Variants in OR51B5 observed in about 807,000 individuals in gnomAD.
OR51B5 encodes olfactory receptor family 51 subfamily B member 5.
For synonymous variants in OR51B5, 186 were observed against 144.8 expected (o/e 1.28, Z -2.04); for missense variants, 456 against 374.6 (o/e 1.22, Z -1.79).
intron 1 of OR51B5, among the ~76,000 whole-genome samples, chr11:5,411,573 G>A (rs764559994): frequency 6.6e-6 from 1 of 152,150 alleles, no homozygotes; most frequent in Non-Finnish European, 1.5e-5. Flanking sequence ...AATTGTGGTA[G>A]ACCAAATAAT....
chr11:5,427,411 TAGA>T (rs1457095549), intron 1 of OR51B5, among the ~76,000 whole-genome samples: 2 of 152,162 alleles, frequency 1.3e-5, no homozygotes, highest in Non-Finnish European at 2.9e-5. Context: ...AGAGTTAGAG[TAGA>T]AGGTTACAGA....
chr11:5,503,036 G>A (rs1279120760), intron 1 of OR51B5, among the ~76,000 whole-genome samples: 1 of 152,076 alleles, frequency 6.6e-6, no homozygotes, highest in Non-Finnish European at 1.5e-5. Flanking sequence ...AAAAAGGTAG[G>A]TTATGAAACT....
chr11:5,403,435 A>G (rs529317796), intron 1 of OR51B5: 9 of 471,570 alleles, frequency 1.9e-5, no homozygotes, highest in African/African-American at 1.8e-4. Context: ...ATGATGGCCA[A>G]TGCCTACCTC....
At chr11:5,475,902 T>G (rs1372370277) in intron 1 of OR51B5, among the ~76,000 whole-genome samples, 1 of 151,932 alleles carries the variant, frequency 6.6e-6, no homozygotes, top group Non-Finnish European at 1.5e-5. Context: ...CAACCTATGT[T>G]TCTTTGCCAT....
At chr11:5,353,513 A>G (rs4369438) in intron 1 of OR51B5, among the ~76,000 whole-genome samples, 40,180 of 152,036 alleles carry the variant, frequency 0.26, 5,549 homozygotes, top group African/African-American at 0.31. Flanking sequence ...GGCAATGCTC[A>G]TAACTAGAAG....
At chr11:5,341,880 A>G (rs1848900638), downstream of OR51B5, among the ~76,000 whole-genome samples, 1 of 152,168 alleles carries the variant, frequency 6.6e-6, no homozygotes, top group Non-Finnish European at 1.5e-5. Context: ...GGAGGTACTG[A>G]CTGTGTCTAC....
chr11:5,405,228 G>A (rs1258773413), intron 1 of OR51B5, among the ~76,000 whole-genome samples: 2 of 152,108 alleles, frequency 1.3e-5, no homozygotes, highest in African/African-American at 4.8e-5. Flanking sequence ...CTAAGAAATA[G>A]GATTAATGTA....
In OR51B5 at chr11:5,352,553, C is replaced by T. The variant is rs1406361718; in HGVS notation, n.85-5643G>A. The stretch of plus-strand genomic sequence containing the variant: ...GTCATTTCAATGAGAACTAATCAAT[C>T]CCTGAGCATTTCAGTGGAAATCAGT... On this transcript the variant is annotated intron_variant and non_coding_transcript_variant, in intron 1 of 4. Transcript: ENST00000415970. 3 of 690,184 alleles carry T rather than the reference C, an allele frequency of 4.3e-6. No homozygotes were observed. In the East Asian group the frequency reaches 7.7e-5, roughly 18 times the overall value. 42.8% of individuals were successfully genotyped at this position (690,184 alleles called of 1,614,324 possible).
chr11:5,416,323 C>T (rs1348727092), intron 1 of OR51B5, among the ~76,000 whole-genome samples: 5 of 150,710 alleles, frequency 3.3e-5, no homozygotes, highest in African/African-American at 4.9e-5. Flanking sequence ...CAATATCATA[C>T]TGAATGGGCA....
intron 1 of OR51B5, among the ~76,000 whole-genome samples, chr11:5,479,329 C>CAGGG (rs1851370759): frequency 6.6e-6 from 1 of 151,406 alleles, no homozygotes; most frequent in Non-Finnish European, 1.5e-5. Context: ...TTTGTCACCA[C>CAGGG]CAGGTCTGCC....
intron 1 of OR51B5, among the ~76,000 whole-genome samples, chr11:5,461,121 C>A (rs530986157): frequency 1.3e-5 from 2 of 152,170 alleles, no homozygotes; most frequent in African/African-American, 4.8e-5. Context: ...GGTGCACAAG[C>A]GGATCACCCA....
intron 1 of OR51B5, among the ~76,000 whole-genome samples, chr11:5,452,115 C>T (rs1233343603): frequency 1.3e-5 from 2 of 152,128 alleles, no homozygotes; most frequent in African/African-American, 4.8e-5. Flanking sequence ...GTATACAAAT[C>T]TATGTGTCTA....
chr11:5,503,754 T>C (rs1846331997), intron 1 of OR51B5, among the ~76,000 whole-genome samples: 2 of 152,180 alleles, frequency 1.3e-5, no homozygotes, highest in African/African-American at 4.8e-5. Context: ...CATTTCAGTC[T>C]AGTGTAGATA....
intron 1 of OR51B5, among the ~76,000 whole-genome samples, chr11:5,504,965 A>G (rs1212708787): frequency 6.6e-6 from 1 of 152,204 alleles, no homozygotes; most frequent in Non-Finnish European, 1.5e-5. Context: ...CCACTAAATG[A>G]ACACTCTTCT....
intron 1 of OR51B5, among the ~76,000 whole-genome samples, chr11:5,411,166 C>T (rs1334868518): frequency 6.6e-6 from 1 of 152,224 alleles, no homozygotes; most frequent in Non-Finnish European, 1.5e-5. Context: ...TTCAGTCCTG[C>T]AAACTCTATT....
chr11:5,474,147 T>C (rs1254095689), intron 1 of OR51B5, among the ~76,000 whole-genome samples: 1 of 152,166 alleles, frequency 6.6e-6, no homozygotes, highest in Non-Finnish European at 1.5e-5. Context: ...CTTACAACAA[T>C]CTTCATATGC....
chr11:5,371,928 T>C (rs1849454069), intron 1 of OR51B5, among the ~76,000 whole-genome samples: 2 of 152,178 alleles, frequency 1.3e-5, no homozygotes, highest in African/African-American at 4.8e-5. Context: ...CTTCCCCTTT[T>C]TACACTGTTT....
At chr11:5,403,675 A>C in intron 1 of OR51B5, 1 of 373,304 alleles carries the variant, frequency 2.7e-6, no homozygotes, top group South Asian at 2.0e-5. Context: ...GAAGTTCTCT[A>C]TAGTCTGTCC....
upstream of OR51B5, among the ~76,000 whole-genome samples, chr11:5,343,884 G>A (rs1159865114): frequency 6.6e-6 from 1 of 152,214 alleles, no homozygotes; most frequent in Non-Finnish European, 1.5e-5. Flanking sequence ...GGGCATTCAA[G>A]GGGATTTCCA....
Sources: gnomAD v4.1 joint callset for allele counts (sites outside exome capture counted in the v4.1 genomes callset) on GRCh38, gnomAD v4.1.1 for gene constraint, MANE v1.5 for transcripts, NCBI Gene and HGNC (gene_info 2026-07-23, HGNC 2026-07-21) for gene names.